Variants in GRIA4 observed in about 807,000 individuals in gnomAD.
GRIA4 encodes the protein glutamate ionotropic receptor AMPA type subunit 4.
A neutral mutation model predicts 104.0 loss-of-function variants in GRIA4; 34 were observed. The ratio of observed to expected loss-of-function variants is 0.33; its 90% CI spans 0.25 to 0.44. The LOEUF is 0.44. Ranked by LOEUF, GRIA4 falls within the 20% of genes least tolerant of loss-of-function variation. The pLI is 1.00. For missense variants in GRIA4, 750 were observed against 1,096.5 expected, an observed-to-expected ratio of 0.68 and a Z score of 4.46; for synonymous variants, 386 against 381.9, an observed-to-expected ratio of 1.01 and a Z score of -0.13.
intron 3 of GRIA4, among the ~76,000 whole-genome samples, chr11:105,722,626 G>A (rs771947061): frequency 6.6e-6 from 1 of 151,984 alleles, no homozygotes; most frequent in Non-Finnish European, 1.5e-5. Flanking sequence ...TAACTTTACT[G>A]ATACTACTAT....
chr11:105,736,996 A>G (rs1938997147), intron 3 of GRIA4, among the ~76,000 whole-genome samples: 1 of 152,106 alleles, frequency 6.6e-6, no homozygotes, highest in African/African-American at 2.4e-5. Flanking sequence ...TTTCAGTAAT[A>G]AATCATGGTT....
chr11:105,698,181 G>A (rs1953353869), intron 3 of GRIA4, among the ~76,000 whole-genome samples: 1 of 151,972 alleles, frequency 6.6e-6, no homozygotes. Context: ...AAACAAATGA[G>A]GTTTTTAGTG....
intron 3 of GRIA4, among the ~76,000 whole-genome samples, chr11:105,728,481 A>C (rs1591152053): frequency 6.6e-6 from 1 of 152,320 alleles, no homozygotes; most frequent in East Asian, 1.9e-4. Flanking sequence ...CAGGACTTGA[A>C]CTCAGCTCTG....
chr11:105,699,423 T>C (rs1030488320), intron 3 of GRIA4, among the ~76,000 whole-genome samples: 2 of 152,178 alleles, frequency 1.3e-5, no homozygotes, highest in African/African-American at 4.8e-5. Flanking sequence ...GTTTCAGGCA[T>C]TGTCAATCTT....
intron 3 of GRIA4, chr11:105,614,409 T>C (rs1025722998): frequency 2.6e-5 from 4 of 151,908 alleles, no homozygotes; most frequent in Non-Finnish European, 5.9e-5. Flanking sequence ...TAAAAATATA[T>C]GTGAAATAAA....
At chr11:105,968,772 A>G (rs1411390559) in intron 14 of GRIA4, among the ~76,000 whole-genome samples, 1 of 152,206 alleles carries the variant, frequency 6.6e-6, no homozygotes, top group Non-Finnish European at 1.5e-5. Flanking sequence ...AAAATTTACT[A>G]CTTGACAATG....
rs140618582 is a variant in GRIA4 at position 105,742,297 on chromosome 11, C to A, written c.248-10684C>A. Among the ~76,000 whole-genome samples the A allele has an allele frequency of 7.2e-5, 11 of 152,202 alleles. No individual in the cohort carries two copies. The East Asian group carries it at 2.1e-3, about 29-fold the overall frequency. On this transcript the variant is annotated intron_variant, in intron 3 of 16. Transcript: ENST00000282499. ...ATCAGTGCAACTATAGAGCTTTAAACCCCTACACATATCTTACCTAATCTT... is the reference window on the plus strand; with the variant it reads ...ATCAGTGCAACTATAGAGCTTTAAAACCCTACACATATCTTACCTAATCTT...
intron 5 of GRIA4, among the ~76,000 whole-genome samples, chr11:105,866,731 T>C (rs1010940720): frequency 4.0e-5 from 6 of 151,728 alleles, no homozygotes; most frequent in African/African-American, 1.5e-4. Context: ...CTTTTAGAAA[T>C]ACATTATGTA....
chr11:105,629,862 T>C (rs1400179611), intron 3 of GRIA4, among the ~76,000 whole-genome samples: 4 of 152,346 alleles, frequency 2.6e-5, no homozygotes, highest in African/African-American at 7.2e-5. Flanking sequence ...TAATTTAAAA[T>C]GAAAATAAGC....
Position 105,980,745 on chromosome 11 carries a change from T to TA in GRIA4, c.*1010dup, listed in dbSNP as rs1859223225. The TA allele has an allele frequency of 1.3e-5, 2 of 152,662 alleles. No individual in the cohort carries two copies. The highest frequency in any genetic ancestry group is 4.8e-5 in the African/African-American group (2 of 41,460). The allele number at this position is 152,662 out of a possible 1,614,324, so 9.5% of individuals were successfully genotyped here. On this transcript the variant is annotated 3_prime_UTR_variant, in exon 17 of 17. Transcript: ENST00000282499. ...GCTTAAAAGTTTTTTCTTATCGTTA[T>TA]AAAAGTTATTTGAGAAATTATAAGA...
intron 4 of GRIA4, among the ~76,000 whole-genome samples, chr11:105,819,230 G>A (rs1013803561): frequency 2.0e-5 from 3 of 152,158 alleles, no homozygotes; most frequent in Non-Finnish European, 2.9e-5. Flanking sequence ...AAGAATCTCA[G>A]AACCTGTGGT....
At chr11:105,893,718 C>T (rs565249212) in intron 6 of GRIA4, among the ~76,000 whole-genome samples, 1 of 152,154 alleles carries the variant, frequency 6.6e-6, no homozygotes, top group Non-Finnish European at 1.5e-5. Context: ...GTTTGGCAGA[C>T]CTTCTATTTC....
At chr11:105,916,077 G>A (rs1947395163) in intron 10 of GRIA4, among the ~76,000 whole-genome samples, 1 of 151,942 alleles carries the variant, frequency 6.6e-6, no homozygotes, top group Non-Finnish European at 1.5e-5. Flanking sequence ...CCAGCTACTT[G>A]GGAGGCTGAG....
chr11:105,843,447 T>C (rs1255754979), intron 4 of GRIA4, among the ~76,000 whole-genome samples: 3 of 152,220 alleles, frequency 2.0e-5, no homozygotes, highest in African/African-American at 7.2e-5. Flanking sequence ...AATACTCTCA[T>C]ATACCTAAAA....
intron 4 of GRIA4, among the ~76,000 whole-genome samples, chr11:105,759,734 T>C (rs1940512553): frequency 2.6e-5 from 4 of 152,186 alleles, no homozygotes; most frequent in Admixed American, 2.6e-4. Flanking sequence ...GTAACTCTTA[T>C]TCACCATTTG....
At chr11:105,656,051 T>C (rs1445966317) in intron 3 of GRIA4, among the ~76,000 whole-genome samples, 1 of 152,156 alleles carries the variant, frequency 6.6e-6, no homozygotes, top group East Asian at 1.9e-4. Flanking sequence ...GGTATTTCAT[T>C]GTGGTTTTGA....
At position 105,804,613 on chromosome 11, in the gene GRIA4, C is replaced by A. The variant is rs73554210; in HGVS notation, c.487+51393C>A. 5.0e-3 allele frequency among the ~76,000 whole-genome samples: 766 copies of A among 151,882 alleles called. 9 individuals carry two copies. Among genetic ancestry groups the A allele is most frequent in the African/African-American group, 0.018 (732 of 41,464 alleles). On this transcript the variant is annotated intron_variant, in intron 4 of 16. Transcript: ENST00000282499. Reference sequence around the variant, plus strand: ...AAGAAGGTAAATAAGTCACAGCTAACAATAGTTGGTTGGAATGAAGGGAAA... The same window carrying A: ...AAGAAGGTAAATAAGTCACAGCTAAAAATAGTTGGTTGGAATGAAGGGAAA...
intron 6 of GRIA4, among the ~76,000 whole-genome samples, chr11:105,894,364 C>G (rs530217079): frequency 2.6e-5 from 4 of 152,204 alleles, no homozygotes; most frequent in East Asian, 1.9e-4. Flanking sequence ...CTTCACCCCC[C>G]CGAGCCTGTT....
intron 5 of GRIA4, among the ~76,000 whole-genome samples, chr11:105,868,089 G>T (rs769069304): frequency 1.3e-5 from 2 of 152,116 alleles, no homozygotes; most frequent in Non-Finnish European, 2.9e-5. Context: ...CAGAAACAGA[G>T]ATATTACAAA....
Sources: allele counts gnomAD v4.1 joint callset (sites outside exome capture counted in the v4.1 genomes callset), GRCh38; gene constraint gnomAD v4.1.1; transcripts MANE v1.5; gene names NCBI Gene and HGNC (gene_info 2026-07-23, HGNC 2026-07-21).